CACNA1B: variants seen among roughly 807,000 people sequenced by gnomAD.
CACNA1B encodes the protein calcium voltage-gated channel subunit alpha1 B, also known as voltage-dependent N-type calcium channel subunit alpha-1B.
In CACNA1B, 70 loss-of-function variants were observed where a neutral mutation model predicts 247.2. The ratio of observed to expected loss-of-function variants is 0.28; its 90% CI spans 0.23 to 0.35. The LOEUF (loss-of-function observed/expected upper bound fraction) is 0.35, where lower values mean the gene tolerates loss of function less well. CACNA1B is among the 10% of genes least tolerant of loss of function. The pLI, the probability that CACNA1B is intolerant of heterozygous loss-of-function variation, is 1.00. For missense variants in CACNA1B, 2,367 were observed against 3,197.4 expected, an observed-to-expected ratio of 0.74 and a Z score of 6.26; for synonymous variants, 1,231 against 1,294.4, an observed-to-expected ratio of 0.95 and a Z score of 1.05.
At chr9:137,942,602 A>C (rs1362545212) in intron 6 of CACNA1B, among the ~76,000 whole-genome samples, 1 of 152,218 alleles carries the variant, frequency 6.6e-6, no homozygotes, top group African/African-American at 2.4e-5. Context: ...GTGGATAAAG[A>C]AACTGTGATA....
chr9:138,029,075 C>G (rs898326672), intron 20 of CACNA1B, among the ~76,000 whole-genome samples: 1 of 152,160 alleles, frequency 6.6e-6, no homozygotes, highest in African/African-American at 2.4e-5. Context: ...ATTATATTGA[C>G]TTTTGGGCAT....
chr9:138,044,414 T>TGA (rs1959167720), intron 21 of CACNA1B, among the ~76,000 whole-genome samples: 1 of 152,190 alleles, frequency 6.6e-6, no homozygotes, highest in Non-Finnish European at 1.5e-5. Flanking sequence ...ACAAAACAGG[T>TGA]GAGAACCCCT....
intron 6 of CACNA1B, among the ~76,000 whole-genome samples, chr9:137,931,636 A>T (rs775532788): frequency 1.3e-5 from 2 of 151,810 alleles, no homozygotes; most frequent in East Asian, 1.9e-4. Flanking sequence ...TAACTGCTTC[A>T]TGCTGATTTG....
chr9:138,013,545 CAGTTGGGGGAGGGAGTCAGTA>C (rs1379833896), intron 18 of CACNA1B, among the ~76,000 whole-genome samples: 1 of 152,182 alleles, frequency 6.6e-6, no homozygotes, highest in Non-Finnish European at 1.5e-5. Context: ...AACTGTGAAT[CAGTTGGGGGAGGGAGTCAGTA>C]AGTTGCTTTT....
Position 137,974,325 on chromosome 9 carries a change from G to A in CACNA1B, c.1544-1582G>A, listed in dbSNP as rs1272553952. 6.6e-6 allele frequency among the ~76,000 whole-genome samples: 1 copy of A among 152,196 alleles called. No individual in the cohort carries two copies. The highest frequency in any genetic ancestry group is 1.5e-5 in the Non-Finnish European group (1 of 68,044). On this transcript the variant is annotated intron_variant, in intron 11 of 46. Coordinates refer to ENST00000371372, the MANE Select transcript of CACNA1B (RefSeq NM_000718.4). The surrounding 1 kb of genome is among the most constrained non-coding windows in gnomAD (Gnocchi z 4.5). ...CCATGCCTCTCACAGGGGGCTCTCG[G>A]CTTCTCCAGGGACACTGCTTGGCCT...
At chr9:137,885,369 G>T (rs1338950978) in intron 3 of CACNA1B, among the ~76,000 whole-genome samples, 2 of 152,206 alleles carry the variant, frequency 1.3e-5, no homozygotes, top group African/African-American at 4.8e-5. Context: ...GCGAGTGCTG[G>T]TCCATGGGGA....
intron 35 of CACNA1B, among the ~76,000 whole-genome samples, chr9:138,077,904 A>G (rs1456094281): frequency 1.3e-5 from 2 of 152,202 alleles, no homozygotes; most frequent in African/African-American, 4.8e-5. Context: ...GATAATTTTT[A>G]GTAAGCAGTG....
chr9:138,028,191 T>G (rs1958945390), intron 20 of CACNA1B, among the ~76,000 whole-genome samples: 1 of 151,924 alleles, frequency 6.6e-6, no homozygotes, highest in Non-Finnish European at 1.5e-5. Flanking sequence ...CCTGGCTAAT[T>G]TTTGTATTTT....
At chr9:137,895,115 C>T (rs968107663) in intron 3 of CACNA1B, among the ~76,000 whole-genome samples, 3 of 152,298 alleles carry the variant, frequency 2.0e-5, no homozygotes, top group Admixed American at 6.5e-5. Context: ...GCATTTCTTC[C>T]ATTGAATTGC....
intron 37 of CACNA1B, among the ~76,000 whole-genome samples, chr9:138,098,617 A>G (rs963321493): frequency 6.6e-6 from 1 of 152,184 alleles, no homozygotes; most frequent in Non-Finnish European, 1.5e-5. Context: ...GAAGAACGGG[A>G]AGTGGACTTG....
intron 13 of CACNA1B, among the ~76,000 whole-genome samples, chr9:137,984,707 G>T (rs142349407): frequency 6.6e-6 from 1 of 152,240 alleles, no homozygotes; most frequent in Non-Finnish European, 1.5e-5. Flanking sequence ...CACTGAGCCA[G>T]CCTGGCACCT....
chr9:138,064,336 T>TC, intron 31 of CACNA1B, among the ~76,000 whole-genome samples: 1 of 152,204 alleles, frequency 6.6e-6, no homozygotes, highest in Non-Finnish European at 1.5e-5. Context: ...CTGTCTGGAC[T>TC]CCTTCTTGTG....
At chr9:138,086,429 G>A (rs1162644164) in intron 36 of CACNA1B, among the ~76,000 whole-genome samples, 4 of 151,190 alleles carry the variant, frequency 2.6e-5, no homozygotes, top group Non-Finnish European at 4.4e-5. Context: ...GGAGGCTGAG[G>A]TGGAAAGATT....
intron 15 of CACNA1B, among the ~76,000 whole-genome samples, chr9:138,000,278 T>G (rs935276536): frequency 9.2e-5 from 14 of 152,136 alleles, no homozygotes; most frequent in African/African-American, 2.9e-4. Flanking sequence ...TTTTGTATTT[T>G]TAGTAGAGAC....
chr9:138,113,228 GGGGAGGTGCCCAACTCCACT>G (rs577959309), intron 40 of CACNA1B, among the ~76,000 whole-genome samples: 28 of 142,986 alleles, frequency 2.0e-4, no homozygotes, highest in East Asian at 1.5e-3. Context: ...GAGGGAGTTC[GGGGAGGTGCCCAACTCCACT>G]GGGAGGTGCC....
chr9:138,093,321 G>C (rs1291793857), intron 36 of CACNA1B, among the ~76,000 whole-genome samples: 1 of 148,928 alleles, frequency 6.7e-6, no homozygotes, highest in Non-Finnish European at 1.5e-5. Flanking sequence ...AGGAGGCTGA[G>C]GCATGAGAAT....
At chr9:137,900,477 C>T (rs559961357) in intron 3 of CACNA1B, among the ~76,000 whole-genome samples, 6 of 149,844 alleles carry the variant, frequency 4.0e-5, no homozygotes, top group South Asian at 2.1e-4. Context: ...TCTCTGTGTC[C>T]GTGTCTGTAC....
Position 137,956,620 on chromosome 9 carries a change from C to T in CACNA1B, c.1187-151C>T, listed in dbSNP as rs1957952110. 2.8e-5 allele frequency: 15 copies of T among 543,198 alleles called. No individual in the cohort carries two copies. The South Asian group carries it at 3.1e-4, about 11-fold the overall frequency. The allele number at this position is 543,198 out of a possible 1,614,324, so 33.6% of individuals were successfully genotyped here. ...AGTGAGCCGAGATTGTGCCACTGCA[C>T]TCCAGCCTGGGTGACAGAGCGAGAC... On this transcript the variant is annotated intron_variant, in intron 8 of 46. Coordinates refer to ENST00000371372, the MANE Select transcript of CACNA1B (RefSeq NM_000718.4).
At chr9:137,886,003 G>A (rs1384098367) in intron 3 of CACNA1B, among the ~76,000 whole-genome samples, 1 of 151,920 alleles carries the variant, frequency 6.6e-6, no homozygotes, top group African/African-American at 2.4e-5. Flanking sequence ...CCTCTGACTC[G>A]CTTGGGCCGG....
Sources: gnomAD v4.1 joint callset for allele counts (sites outside exome capture counted in the v4.1 genomes callset) on GRCh38, gnomAD v4.1.1 for gene constraint, Gnocchi (gnomAD v3.1) non-coding constraint, MANE v1.5 for transcripts, NCBI Gene and HGNC (gene_info 2026-07-23, HGNC 2026-07-21) for gene names.